Variants in SLITRK2 observed in about 807,000 individuals in gnomAD.
SLITRK2 encodes SLIT and NTRK-like protein 2.
Under a neutral mutation model 35.4 loss-of-function variants are expected in SLITRK2, and 13 were observed. The ratio of observed to expected loss-of-function variants is 0.37; its 90% CI spans 0.24 to 0.58. The LOEUF (loss-of-function observed/expected upper bound fraction) is 0.58, where lower values mean the gene tolerates loss of function less well. Ranked by LOEUF, SLITRK2 falls within the 20% of genes least tolerant of loss-of-function variation. The pLI is 0.75. For synonymous variants in SLITRK2, 294 were observed against 264.7 expected, an observed-to-expected ratio of 1.11 and a Z score of -1.07; for missense variants, 471 against 634.3, an observed-to-expected ratio of 0.74 and a Z score of 2.76.
chrX:145,817,981 T>A lies in SLITRK2; in HGVS notation c.-838T>A, dbSNP rs911128185. 9.1e-6 allele frequency: 1 copy of A among 109,956 alleles called. No homozygotes were observed. The highest frequency in any genetic ancestry group is 1.9e-5 in the Non-Finnish European group (1 of 52,565). 9.1% of individuals were successfully genotyped at this position (109,956 alleles called of 1,213,427 possible). A position where few individuals can be genotyped will look rare whatever the true frequency, so the allele number is the denominator to read the frequency against. ...CTCCTTTGCCTCCCCGAGTCGCAGA[T>A]GCTGCGGGCGCCTCCGGGAAAAGAT... On this transcript the variant is annotated 5_prime_UTR_variant, in exon 1 of 5. The change abolishes an upstream ATG in the 5' untranslated region. Coordinates refer to ENST00000335565, the MANE Select transcript of SLITRK2 (RefSeq NM_032539.5).
chrX:145,823,627 T>C lies in SLITRK2; in HGVS notation c.1202T>C (p.Leu401Ser). 1 of 1,211,768 alleles carries C rather than the reference T, an allele frequency of 8.3e-7. No homozygotes were observed. ...YKNDLLEYSSLDLLHLGNNRI... is the reference protein window; with the variant it reads ...YKNDLLEYSSSDLLHLGNNRI... ...AATGACCTCTTAGAATACAGTTCTTTGGACTTACTGCACTTAGGAAACAAC... is the reference window on the plus strand; with the variant it reads ...AATGACCTCTTAGAATACAGTTCTTCGGACTTACTGCACTTAGGAAACAAC... Residue 401 changes from leucine to serine, a missense_variant, in exon 5 of 5, where the codon TTG (leucine) becomes TCG (serine). This residue lies in a region of SLITRK2 where 92 missense variants were observed against 184.2 expected (regional missense o/e 0.50). Coordinates refer to ENST00000335565, the MANE Select transcript of SLITRK2 (RefSeq NM_032539.5).
chrX:145,823,910 C>T lies in SLITRK2; in HGVS notation c.1485C>T (p.Ala495=), dbSNP rs2124187333. 1.7e-6 allele frequency: 2 copies of T among 1,211,420 alleles called. No homozygotes were observed. Among genetic ancestry groups the T allele is most frequent in the Non-Finnish European group, 2.2e-6 (2 of 895,410 alleles). ...SLPDNIFGGT[A]LTRLNLRNNH... The stretch of plus-strand genomic sequence containing the variant: ...CTGATAATATATTTGGGGGGACGGC[C>T]CTAACCAGGCTGAATCTGAGAAACA... Residue 495 remains alanine, a synonymous_variant, in exon 5 of 5, where the codon GCC becomes GCT. Coordinates refer to ENST00000335565, the MANE Select transcript of SLITRK2 (RefSeq NM_032539.5).
chrX:145,823,592 T>G lies in SLITRK2; in HGVS notation c.1167T>G (p.Thr389=). ...KLYLTGNYLQ[T]VYKNDLLEYS... ...ACCTAACAGGGAACTATCTTCAAAC[T>G]GTCTATAAGAATGACCTCTTAGAAT... Residue 389 remains threonine (T), a synonymous_variant, in exon 5 of 5, where the codon ACT becomes ACG. Transcript: ENST00000335565. The G allele has an allele frequency of 8.3e-7, 1 of 1,211,676 alleles. No individual in the cohort carries two copies. The highest frequency in any genetic ancestry group is 3.0e-5 in the East Asian group (1 of 33,829).
rs781928600 is a variant in SLITRK2, at chrX:145,822,434, C to T, written c.9C>T (p.Ser3=). The change falls in exon 5 of 5, where the codon AGC becomes AGT. Residue 3 remains serine, a synonymous_variant. Coordinates refer to ENST00000335565, the MANE Select transcript of SLITRK2 (RefSeq NM_032539.5). ...ACCGAAGGTGCCTAAAGATGCTGAG[C>T]GGCGTTTGGTTCCTCAGTGTGTTAA... The part of the protein sequence containing the change: ML[S]GVWFLSVLTV... 8.3e-7 allele frequency: 1 copy of T among 1,203,852 alleles called. No homozygotes were observed. The highest frequency in any genetic ancestry group is 1.1e-6 in the Non-Finnish European group (1 of 891,870).
At chrX:145,818,887 C>T (rs1482538860) in intron 1 of SLITRK2, 1 of 112,364 alleles carries the variant, frequency 8.9e-6, no homozygotes, top group Non-Finnish European at 1.9e-5. Context: ...CGGAGTGCTG[C>T]GGCAGTTCTT....
Position 145,829,169 on chromosome X carries a change from TTG to T in SLITRK2, c.*4209_*4210del, listed in dbSNP as rs1325084612. The T allele has an allele frequency of 8.1e-6, 1 of 123,782 alleles. No individual in the cohort carries two copies. The highest frequency in any genetic ancestry group is 1.9e-5 in the Non-Finnish European group (1 of 53,376). 10.2% of individuals were successfully genotyped at this position (123,782 alleles called of 1,213,427 possible). A position where few individuals can be genotyped will look rare whatever the true frequency, so the allele number is the denominator to read the frequency against. ...AGGTGTACTTTGCTTCTCACAATGA[TTG>T]TGCAAAAAGTCACGTGTAAATTGAA... On this transcript the variant is annotated 3_prime_UTR_variant, in exon 5 of 5. Coordinates refer to ENST00000335565, the MANE Select transcript of SLITRK2 (RefSeq NM_032539.5).
chrX:145,824,944 C>A lies in SLITRK2; in HGVS notation c.2519C>A (p.Thr840Asn). The change falls in exon 5 of 5, where the codon ACT (threonine) becomes AAT (asparagine). Residue 840 changes from threonine to asparagine, a missense_variant. Around this residue, in one of 7 missense-constraint regions of SLITRK2, gnomAD observed 190 missense variants for 199.3 expected, o/e 0.95. Transcript: ENST00000335565. ...TACCTCGAAGTTCTGGAAAAACAAACTGCAATCAGTCAGCTGTGAAGGGAA... is the reference window on the plus strand; with the variant it reads ...TACCTCGAAGTTCTGGAAAAACAAAATGCAATCAGTCAGCTGTGAAGGGAA... ...PDYLEVLEKQ[T>N]AISQL is the part of the protein sequence containing the mutation. 8.3e-7 allele frequency: 1 copy of A among 1,208,948 alleles called. No homozygotes were observed. The highest frequency in any genetic ancestry group is 1.7e-5 in the African/African-American group (1 of 57,707).
In SLITRK2 at chrX:145,829,366, C is replaced by G. The variant is rs2073153424; in HGVS notation, c.*4403C>G. 8.1e-6 allele frequency: 1 copy of G among 123,421 alleles called. No homozygotes were observed. Among genetic ancestry groups the G allele is most frequent in the African/African-American group, 3.2e-5 (1 of 30,824 alleles). The allele number at this position is 123,421 out of a possible 1,213,427, so 10.2% of individuals were successfully genotyped here. On this transcript the variant is annotated 3_prime_UTR_variant, in exon 5 of 5. Coordinates refer to ENST00000335565, the MANE Select transcript of SLITRK2 (RefSeq NM_032539.5). Reference sequence around the variant, plus strand: ...AATATCGACTTTGCTTAAAACAGAGCCCACCTGCATAGTAACTGTGTTTTG... The same window carrying G: ...AATATCGACTTTGCTTAAAACAGAGGCCACCTGCATAGTAACTGTGTTTTG...
intron 2 of SLITRK2, chrX:145,820,933 G>A (rs1461447673): frequency 3.6e-5 from 4 of 109,913 alleles, no homozygotes; most frequent in Non-Finnish European, 7.6e-5. Context: ...TGTATGTAAA[G>A]TATAAATCCC....
chrX:145,821,649 G>C lies in SLITRK2; in HGVS notation c.-428G>C, dbSNP rs2073020290. The C allele has an allele frequency of 9.0e-6, 1 of 111,211 alleles. No individual in the cohort carries two copies. Among genetic ancestry groups the C allele is most frequent in the Admixed American group, 9.5e-5 (1 of 10,541 alleles). 9.2% of individuals were successfully genotyped at this position (111,211 alleles called of 1,213,427 possible). ...GGCTCTCCGACCTCCCTACAGAATC[G>C]CACCCCAGTCCCTCCCTGGCAGCTC... On this transcript the variant is annotated 5_prime_UTR_variant, in exon 3 of 5. Coordinates refer to ENST00000335565, the MANE Select transcript of SLITRK2 (RefSeq NM_032539.5).
Position 145,828,339 on chromosome X carries a change from G to A in SLITRK2, c.*3376G>A. The A allele has an allele frequency of 5.3e-6, 1 of 189,580 alleles. No homozygotes were observed. The highest frequency in any genetic ancestry group is 1.0e-5 in the Non-Finnish European group (1 of 95,847). The allele number at this position is 189,580 out of a possible 1,213,427, so 15.6% of individuals were successfully genotyped here. ...CAAAAAGCATTTAAGGAATAAGAAA[G>A]AGGTTCTGTGATTTTTCAGACTCTG... On this transcript the variant is annotated 3_prime_UTR_variant, in exon 5 of 5. Transcript: ENST00000335565.
rs782349725 is a variant in SLITRK2, at chrX:145,827,929, G to A, written c.*2966G>A. 5 of 1,211,444 alleles carry A rather than the reference G, an allele frequency of 4.1e-6. No homozygotes were observed. The highest frequency in any genetic ancestry group is 5.6e-6 in the Non-Finnish European group (5 of 895,397). ...GCAGCTTTAAGACGTATGAGCATCA[G>A]CACAGCAAAATGGTTCCAGCCTACA... On this transcript the variant is annotated 3_prime_UTR_variant, in exon 5 of 5. Transcript: ENST00000335565.
At position 145,828,241 on chromosome X, in the gene SLITRK2, TC is replaced by T. The variant is rs782593912; in HGVS notation, c.*3280del. ...TGACCCTTCAATTTCCTCTTCTTTT[TC>T]CTCTGACCTCTGTGACTTAATTTTT... is the stretch of plus-strand genomic sequence containing the variant. On this transcript the variant is annotated 3_prime_UTR_variant, in exon 5 of 5. Transcript: ENST00000335565. 1 of 311,625 alleles carries T rather than the reference TC, an allele frequency of 3.2e-6. No homozygotes were observed. Among genetic ancestry groups the T allele is most frequent in the East Asian group, 4.9e-5 (1 of 20,363 alleles). The allele number at this position is 311,625 out of a possible 1,213,427, so 25.7% of individuals were successfully genotyped here.
rs1391174997 is a variant in SLITRK2, at chrX:145,822,461, C to T, written c.36C>T (p.Thr12=). Reference sequence around the variant, plus strand: ...GCGTTTGGTTCCTCAGTGTGTTAACCGTGGCCGGGATCTTACAGACAGAGA... The same window carrying T: ...GCGTTTGGTTCCTCAGTGTGTTAACTGTGGCCGGGATCTTACAGACAGAGA... The part of the protein sequence containing the change: ...LSGVWFLSVL[T]VAGILQTESR... The change falls in exon 5 of 5, where the codon ACC becomes ACT. Residue 12 remains threonine, a synonymous_variant. Coordinates refer to ENST00000335565, the MANE Select transcript of SLITRK2 (RefSeq NM_032539.5). The T allele has an allele frequency of 1.3e-5, 16 of 1,207,869 alleles. No individual in the cohort carries two copies. Among genetic ancestry groups the T allele is most frequent in the Non-Finnish European group, 1.7e-5 (15 of 894,295 alleles).
At position 145,823,550 on chromosome X, in the gene SLITRK2, C is replaced by G. The variant is rs2124177882; in HGVS notation, c.1125C>G (p.Thr375=). 1 of 1,211,508 alleles carries G rather than the reference C, an allele frequency of 8.3e-7. No individual in the cohort carries two copies. Among genetic ancestry groups the G allele is most frequent in the Non-Finnish European group, 1.1e-6 (1 of 895,177 alleles). ...TCTCTGACCTGCAGCCCAAACCGACCAGTCCAAAGAAACTCTACCTAACAG... is the reference window on the plus strand; with the variant it reads ...TCTCTGACCTGCAGCCCAAACCGACGAGTCCAAAGAAACTCTACCTAACAG... ...TNISDLQPKP[T]SPKKLYLTGN... is the part of the protein sequence containing the mutation. The change falls in exon 5 of 5, where the codon ACC becomes ACG. Residue 375 remains threonine (T), a synonymous_variant. Coordinates refer to ENST00000335565, the MANE Select transcript of SLITRK2 (RefSeq NM_032539.5).
rs1556944823 is a variant in SLITRK2, at chrX:145,824,345, C to T, written c.1920C>T (p.Phe640=). ...ILSVCFGAGL[F]VFVLKRRKGV... is the part of the protein sequence containing the mutation. ...CTGTCTGTTTTGGGGCTGGTTTATT[C>T]GTCTTTGTCTTGAAACGCCGAAAGG... Residue 640 remains phenylalanine (F), a synonymous_variant, in exon 5 of 5, where the codon TTC becomes TTT. Coordinates refer to ENST00000335565, the MANE Select transcript of SLITRK2 (RefSeq NM_032539.5). 11 of 1,211,081 alleles carry T rather than the reference C, an allele frequency of 9.1e-6. No homozygotes were observed. The highest frequency in any genetic ancestry group is 3.5e-5 in the South Asian group (2 of 56,918).
rs1052995383 is a variant in SLITRK2, at chrX:145,822,087, C to T, written c.-110C>T. Reference sequence around the variant, plus strand: ...ATACCCCAGGGGAGGAGGAGATGGGCAGGATTTAGTAGGACAACTCGGTTA... The same window carrying T: ...ATACCCCAGGGGAGGAGGAGATGGGTAGGATTTAGTAGGACAACTCGGTTA... On this transcript the variant is annotated 5_prime_UTR_variant, in exon 4 of 5. Coordinates refer to ENST00000335565, the MANE Select transcript of SLITRK2 (RefSeq NM_032539.5). The T allele has an allele frequency of 4.1e-5, 8 of 197,352 alleles. No homozygotes were observed. The highest frequency in any genetic ancestry group is 7.2e-5 in the Non-Finnish European group (8 of 111,357). 16.3% of individuals were successfully genotyped at this position (197,352 alleles called of 1,213,427 possible).
chrX:145,828,202 G>T lies in SLITRK2; in HGVS notation c.*3239G>T. 2.7e-6 allele frequency: 1 copy of T among 368,466 alleles called. No homozygotes were observed. 30.4% of individuals were successfully genotyped at this position (368,466 alleles called of 1,213,427 possible). On this transcript the variant is annotated 3_prime_UTR_variant, in exon 5 of 5. Transcript: ENST00000335565. ...GCCTTGTTAGTTCTCTCCAGCAGCT[G>T]GTGAGTAAGGAAATGACCCTTCAAT...
Position 145,823,493 on chromosome X carries a change from T to C in SLITRK2, c.1068T>C (p.Asn356=). 8.3e-7 allele frequency: 1 copy of C among 1,211,958 alleles called. No homozygotes were observed. The highest frequency in any genetic ancestry group is 2.2e-5 in the Admixed American group (1 of 46,063). ...CTSQSSDNGL[N]VNCQERKFTN... is the part of the protein sequence containing the mutation. ...CTCAGAGCTCAGACAATGGTCTGAATGTAAACTGCCAAGAAAGGAAGTTCA... is the reference window on the plus strand; with the variant it reads ...CTCAGAGCTCAGACAATGGTCTGAACGTAAACTGCCAAGAAAGGAAGTTCA... Residue 356 remains asparagine, a synonymous_variant, in exon 5 of 5, where the codon AAT becomes AAC. Coordinates refer to ENST00000335565, the MANE Select transcript of SLITRK2 (RefSeq NM_032539.5).
Sources: allele counts gnomAD v4.1 joint callset, GRCh38; gene constraint gnomAD v4.1.1; regional missense constraint gnomAD v4.1.1; transcripts MANE v1.5; gene names NCBI Gene and HGNC (gene_info 2026-07-23, HGNC 2026-07-21).